The following CTSV variants were observed in gnomAD, a reference collection of about 807,000 sequenced individuals.
CTSV encodes cathepsin V.
CTSV carries 33 observed loss-of-function variants against 35.6 expected under a neutral mutation model. The ratio of observed to expected loss-of-function variants is 0.93; its 90% CI spans 0.70 to 1.24. The LOEUF is 1.24. Ranked by LOEUF, CTSV falls within the 50% of genes most tolerant of loss-of-function variation. CTSV has a pLI of 0.00. For synonymous variants in CTSV, 154 were observed against 147.1 expected, an observed-to-expected ratio of 1.05 and a Z score of -0.34; for missense variants, 408 against 413.1, an observed-to-expected ratio of 0.99 and a Z score of 0.11.
At position 97,037,082 on chromosome 9, in the gene CTSV, G is replaced by A. The variant is rs536560706; in HGVS notation, c.396+170C>T. Reference sequence around the variant, plus strand: ...AGATCACGCCATTGCAATCCAGCCTGGGCAACAAGAGCTAAACTCCGTCTC... The same window carrying A: ...AGATCACGCCATTGCAATCCAGCCTAGGCAACAAGAGCTAAACTCCGTCTC... On this transcript the variant is annotated intron_variant, in intron 4 of 7. Transcript: ENST00000259470. 2.0e-5 allele frequency among the ~76,000 whole-genome samples: 3 copies of A among 152,140 alleles called. No homozygotes were observed. In the South Asian group the frequency reaches 6.2e-4, roughly 32 times the overall value.
At chr9:97,038,800 C>G (rs1379344341) in intron 1 of CTSV, among the ~76,000 whole-genome samples, 1 of 152,152 alleles carries the variant, frequency 6.6e-6, no homozygotes, top group Non-Finnish European at 1.5e-5. Context: ...GCGGGGGCTC[C>G]GCGGCCAGGC....
In CTSV at chr9:97,035,657, C is replaced by T; in HGVS notation, c.658G>A (p.Ala220Thr). Reference sequence around the variant, plus strand: ...ACCACTGTGAAGCCAGTGTCATTAGCAACAGAATTCTCAGGTCTGTACTTA... The same window carrying T: ...ACCACTGTGAAGCCAGTGTCATTAGTAACAGAATTCTCAGGTCTGTACTTA... ...ICKYRPENSV[A>T]NDTGFTVVAP... Residue 220 changes from alanine to threonine, a missense_variant, in exon 6 of 8, where the codon GCT becomes ACT. By Grantham distance (58) the Ala-to-Thr change is moderately conservative. Transcript: ENST00000259470. The T allele has an allele frequency of 3.8e-6, 6 of 1,590,212 alleles. No homozygotes were observed. Among genetic ancestry groups the T allele is most frequent in the Non-Finnish European group, 5.1e-6 (6 of 1,167,332 alleles).
At chr9:97,036,844 A>AAC in intron 4 of CTSV, 97 bp from the exon 5 acceptor site, 1 of 1,191,568 alleles carries the variant, frequency 8.4e-7, no homozygotes, top group Admixed American at 3.2e-5. Flanking sequence ...AAAAAAAAAA[A>AAC]AACCCATCGC....
intron 5 of CTSV, among the ~76,000 whole-genome samples, chr9:97,036,145 A>G (rs1298680822): frequency 6.7e-6 from 1 of 150,330 alleles, no homozygotes; most frequent in Non-Finnish European, 1.5e-5. Context: ...ATCTTGGCTC[A>G]CTGCAAGCTC....
intron 2 of CTSV, 144 bp downstream of exon 2, chr9:97,037,774 T>A: frequency 2.2e-6 from 3 of 1,358,874 alleles, no homozygotes; most frequent in Non-Finnish European, 3.1e-6. Context: ...TGGAGATATA[T>A]GCCCATATTG....
rs112818299 is a variant in CTSV, at chr9:97,037,000, G to A, written c.396+252C>T. Reference sequence around the variant, plus strand: ...TGAGCACTTGCAATCCCAGCTACTCGGGAGGTGGAGGCAGGAGAATCTCTT... The same window carrying A: ...TGAGCACTTGCAATCCCAGCTACTCAGGAGGTGGAGGCAGGAGAATCTCTT... On this transcript the variant is annotated intron_variant, in intron 4 of 7. Coordinates refer to ENST00000259470, the MANE Select transcript of CTSV (RefSeq NM_001333.4). 4.9e-3 allele frequency among the ~76,000 whole-genome samples: 749 copies of A among 152,124 alleles called. 2 individuals are homozygous for A. Among genetic ancestry groups the A allele is most frequent in the Non-Finnish European group, 7.8e-3 (529 of 67,986 alleles).
rs1292036323 is a variant in CTSV at position 97,031,986 on chromosome 9, A to G, written c.*963T>C. ...TTCCTCAGACTGCAAAGTGGTCACC[A>G]GCAATTCAGAGAGGCTCCAGTAACA... On this transcript the variant is annotated 3_prime_UTR_variant, in exon 8 of 8. Transcript: ENST00000259470. 1 of 152,262 alleles carries G rather than the reference A, an allele frequency of 6.6e-6. No individual in the cohort carries two copies. Among genetic ancestry groups the G allele is most frequent in the Non-Finnish European group, 1.5e-5 (1 of 68,054 alleles). 9.4% of individuals were successfully genotyped at this position (152,262 alleles called of 1,614,324 possible). A position where few individuals can be genotyped will look rare whatever the true frequency, so the allele number is the denominator to read the frequency against.
In CTSV at chr9:97,031,553, C is replaced by G. The variant is rs1828745765; in HGVS notation, c.*1396G>C. 6.6e-6 allele frequency: 1 copy of G among 152,216 alleles called. No individual in the cohort carries two copies. Among genetic ancestry groups the G allele is most frequent in the African/African-American group, 2.4e-5 (1 of 41,450 alleles). The allele number at this position is 152,216 out of a possible 1,614,324, so 9.4% of individuals were successfully genotyped here. On this transcript the variant is annotated 3_prime_UTR_variant, in exon 8 of 8. Transcript: ENST00000259470. Reference sequence around the variant, plus strand: ...TAAATAACCACCCATAATTCACCCACAAGTTTGGTGTACTTTCTTCCAGTA... The same window carrying G: ...TAAATAACCACCCATAATTCACCCAGAAGTTTGGTGTACTTTCTTCCAGTA...
chr9:97,032,680 C>A lies in CTSV; in HGVS notation c.*269G>T. On this transcript the variant is annotated 3_prime_UTR_variant, in exon 8 of 8. Transcript: ENST00000259470. ...TTTATATACGAATTAAAATTTATTT[C>A]AAACTGTTTTGTACATCTTTTTAAA... 1.6e-5 allele frequency: 5 copies of A among 313,380 alleles called. No individual in the cohort carries two copies. Among genetic ancestry groups the A allele is most frequent in the East Asian group, 5.4e-5 (1 of 18,352 alleles). 19.4% of individuals were successfully genotyped at this position (313,380 alleles called of 1,614,324 possible). A position where few individuals can be genotyped will look rare whatever the true frequency, so the allele number is the denominator to read the frequency against.
At chr9:97,038,515 A>G (rs1358349612) in intron 1 of CTSV, 1 of 155,084 alleles carries the variant, frequency 6.4e-6, no homozygotes, top group African/African-American at 2.4e-5. Context: ...TCCTTTTGGA[A>G]TAAAACCTTT....
chr9:97,030,461 G>A lies in CTSV; in HGVS notation c.*2488C>T, dbSNP rs79134422. ...TTGCCGAGACCAGCTTGGTCATGGA[G>A]ACCCTAACCCAGAGGCGCTAGAGAA... On this transcript the variant is annotated 3_prime_UTR_variant, in exon 8 of 8. Coordinates refer to ENST00000259470, the MANE Select transcript of CTSV (RefSeq NM_001333.4). 87 of 152,266 alleles carry A rather than the reference G, an allele frequency of 5.7e-4. No homozygotes were observed. Among genetic ancestry groups the A allele is most frequent in the African/African-American group, 2.1e-3 (87 of 41,534 alleles). 9.4% of individuals were successfully genotyped at this position (152,266 alleles called of 1,614,324 possible).
rs150068143 is a variant in CTSV, at chr9:97,037,319, A to G, written c.329T>C (p.Leu110Pro). The G allele has an allele frequency of 2.5e-6, 4 of 1,614,094 alleles. No homozygotes were observed. The African/African-American group carries it at 5.3e-5, about 22-fold the overall frequency. The change falls in exon 4 of 8, where the codon CTG (leucine) becomes CCG (proline). Residue 110 changes from leucine to proline, a missense_variant. Leu to Pro is a moderately conservative substitution (Grantham distance 98). Transcript: ENST00000259470. ...FRKGKVFREP[L>P]FLDLPKSVDW... ...CACAGATTTGGGAAGATCAAGAAAC[A>G]GAGGCTCACGGAACACTTTCCCCTT... is the stretch of plus-strand genomic sequence containing the variant.
chr9:97,035,549 A>G lies in CTSV; in HGVS notation c.766T>C (p.Ser256Pro). The G allele has an allele frequency of 6.4e-7, 1 of 1,562,062 alleles. No homozygotes were observed. Residue 256 changes from serine (S) to proline (P), a missense_variant, in exon 6 of 8, where the codon TCC becomes CCC. By Grantham distance (74) the Ser-to-Pro change is moderately conservative. Transcript: ENST00000259470. ...ISVAMDAGHS[S>P]FQFYKSGIYF... is the part of the protein sequence containing the mutation. Reference sequence around the variant, plus strand: ...TTACCTGATTTGTAGAACTGGAAGGACGAATGGCCTGCATCCATAGCAACG... The same window carrying G: ...TTACCTGATTTGTAGAACTGGAAGGGCGAATGGCCTGCATCCATAGCAACG...
In CTSV at chr9:97,034,889, T is replaced by C. The variant is rs764881156; in HGVS notation, c.788-46A>G. On this transcript the variant is annotated intron_variant, in intron 6 of 7. Transcript: ENST00000259470. ...CTGGGGTGAGAAGCTCCAAGCGACA[T>C]GTGACAGTAACCCACCCTACCACCC... is the stretch of plus-strand genomic sequence containing the variant. 18 of 1,483,302 alleles carry C rather than the reference T, an allele frequency of 1.2e-5. No homozygotes were observed. The African/African-American group carries it at 1.4e-4, about 11-fold the overall frequency. 91.9% of individuals were successfully genotyped at this position (1,483,302 alleles called of 1,614,324 possible).
At chr9:97,037,857 CTCCCAACAGCGAGGACCAT>C in intron 2 of CTSV, 42 bp downstream of exon 2, 4 of 1,595,382 alleles carry the variant, frequency 2.5e-6, no homozygotes, top group Non-Finnish European at 3.4e-6. Flanking sequence ...TGGCTATCAA[CTCCCAACAGCGAGGACCAT>C]TCTCTCCAGA....
Position 97,031,050 on chromosome 9 carries a change from CTATT to C in CTSV, c.*1895_*1898del, listed in dbSNP as rs573705269. On this transcript the variant is annotated 3_prime_UTR_variant, in exon 8 of 8. Transcript: ENST00000259470. ...AAAATTATAAAATCTTGAAATATCT[CTATT>C]TTAGTTTTCCGAGGGGTGCTGTTTT... The C allele has an allele frequency of 6.6e-6, 1 of 152,250 alleles. No individual in the cohort carries two copies. Among genetic ancestry groups the C allele is most frequent in the Non-Finnish European group, 1.5e-5 (1 of 68,012 alleles). The allele number at this position is 152,250 out of a possible 1,614,324, so 9.4% of individuals were successfully genotyped here.
intron 5 of CTSV, 28 bp from the exon 6 acceptor site, chr9:97,035,721 G>C (rs373447125): frequency 4.9e-5 from 69 of 1,395,754 alleles, no homozygotes; most frequent in Non-Finnish European, 6.2e-5. Context: ...GGAGAGACTT[G>C]ATCACTACCA....
chr9:97,038,146 C>T, intron 1 of CTSV, 93 bp from the exon 2 acceptor site: 1 of 1,315,488 alleles, frequency 7.6e-7, no homozygotes, highest in Non-Finnish European at 1.0e-6. Context: ...AATTATTCTC[C>T]CTAGCATTTC....
rs558908701 is a variant in CTSV at position 97,031,132 on chromosome 9, A to G, written c.*1817T>C. On this transcript the variant is annotated 3_prime_UTR_variant, in exon 8 of 8. Transcript: ENST00000259470. Reference sequence around the variant, plus strand: ...TAAAAAGCCATCACTCTTTCATTCAATTTAGTGCCTAGATGTTTCCTTAGA... The same window carrying G: ...TAAAAAGCCATCACTCTTTCATTCAGTTTAGTGCCTAGATGTTTCCTTAGA... 6 of 152,310 alleles carry G rather than the reference A, an allele frequency of 3.9e-5. No homozygotes were observed. The East Asian group carries it at 9.6e-4, about 24-fold the overall frequency. 9.4% of individuals were successfully genotyped at this position (152,310 alleles called of 1,614,324 possible). A position where few individuals can be genotyped will look rare whatever the true frequency, so the allele number is the denominator to read the frequency against.
Sources: gnomAD v4.1 joint callset for allele counts (sites outside exome capture counted in the v4.1 genomes callset) on GRCh38, gnomAD v4.1.1 for gene constraint, MANE v1.5 for transcripts, NCBI Gene and HGNC (gene_info 2026-07-23, HGNC 2026-07-21) for gene names.